Variants in BANK1 observed in about 807,000 individuals in gnomAD.
BANK1 encodes B cell scaffold protein with ankyrin repeats 1.
Under a neutral mutation model 94.5 loss-of-function variants are expected in BANK1, and 95 were observed. That is an observed-to-expected ratio of 1.00 (90% confidence interval 0.85 to 1.19). BANK1 has a LOEUF of 1.19. Among genes scored for constraint, BANK1 ranks in the 50% most tolerant of loss-of-function variants. The pLI, the probability that BANK1 is intolerant of heterozygous loss-of-function variation, is 0.00. For missense variants in BANK1, 987 were observed against 932.2 expected (o/e 1.06, Z -0.77); for synonymous variants, 334 against 308.4 (o/e 1.08, Z -0.87).
intron 7 of BANK1, among the ~76,000 whole-genome samples, chr4:101,990,323 G>A (rs1725657380): frequency 6.6e-6 from 1 of 152,142 alleles, no homozygotes; most frequent in South Asian, 2.1e-4. Context: ...TTTTTCTCAT[G>A]TAAAGAATTT....
rs1362141878 is a variant in BANK1, at chr4:101,790,953, GGGTAGTCGCGCATTC to G, written c.70+6_70+20del. ...CCCCTGCGGCCCAGCGCCCCCAGGT[GGGTAGTCGCGCATTC>G]GGAGGGGCTTGACGCCGAGGCCGGG... On this transcript the variant is annotated splice_donor_5th_base_variant and intron_variant, in intron 1 of 16. Coordinates refer to ENST00000322953, the MANE Select transcript of BANK1 (RefSeq NM_017935.5). The G allele has an allele frequency of 1.3e-6, 2 of 1,506,314 alleles. No homozygotes were observed. The highest frequency in any genetic ancestry group is 2.2e-5 in the Admixed American group (1 of 46,054). 93.3% of individuals were successfully genotyped at this position (1,506,314 alleles called of 1,614,324 possible).
intron 2 of BANK1, among the ~76,000 whole-genome samples, chr4:101,837,264 G>A (rs902241484): frequency 6.6e-6 from 1 of 152,086 alleles, no homozygotes; most frequent in Non-Finnish European, 1.5e-5. Flanking sequence ...CTGTTTTTGT[G>A]CTTCTAGAAT....
intron 3 of BANK1, among the ~76,000 whole-genome samples, chr4:101,861,948 C>A (rs1028281318): frequency 1.3e-5 from 2 of 152,110 alleles, no homozygotes; most frequent in Non-Finnish European, 1.5e-5. Context: ...AGATTTATAA[C>A]CTTTAGTCAA....
intron 2 of BANK1, among the ~76,000 whole-genome samples, chr4:101,848,725 GAACAA>G (rs749944100): frequency 5.6e-4 from 85 of 152,282 alleles, no homozygotes; most frequent in African/African-American, 1.8e-3. Context: ...AAACAAAACA[GAACAA>G]AACAATTCTA....
At chr4:102,031,446 G>T (rs1727306869) in intron 10 of BANK1, among the ~76,000 whole-genome samples, 1 of 152,116 alleles carries the variant, frequency 6.6e-6, no homozygotes, top group Admixed American at 6.5e-5. Flanking sequence ...AGTTTAATTA[G>T]ATCCCATTTG....
chr4:101,971,861 C>T (rs1049508629), intron 7 of BANK1, among the ~76,000 whole-genome samples: 6 of 151,936 alleles, frequency 3.9e-5, no homozygotes, highest in African/African-American at 1.4e-4. Context: ...TTTTTCTTGC[C>T]AGTGCCGTGC....
At chr4:101,808,683 G>A (rs970561225) in intron 1 of BANK1, among the ~76,000 whole-genome samples, 2 of 151,668 alleles carry the variant, frequency 1.3e-5, no homozygotes, top group African/African-American at 4.8e-5. Flanking sequence ...CCATCAAAAA[G>A]GGGGCAAAGG....
intron 1 of BANK1, among the ~76,000 whole-genome samples, chr4:101,809,108 C>A (rs77975239): frequency 0.028 from 4,188 of 152,248 alleles, 202 homozygotes; most frequent in African/African-American, 0.095. Context: ...AAATGCCCAT[C>A]AATCAATGAG....
chr4:101,991,527 T>G (rs1227695206), intron 7 of BANK1, among the ~76,000 whole-genome samples: 1 of 152,216 alleles, frequency 6.6e-6, no homozygotes, highest in Admixed American at 6.5e-5. Context: ...AAATGTCTTC[T>G]ACATTCCACA....
At chr4:101,932,282 C>G (rs1723378711) in intron 7 of BANK1, among the ~76,000 whole-genome samples, 1 of 151,424 alleles carries the variant, frequency 6.6e-6, no homozygotes, top group African/African-American at 2.4e-5. Flanking sequence ...TTTCCTTATC[C>G]CTTTGGCAAG....
intron 7 of BANK1, among the ~76,000 whole-genome samples, chr4:101,923,045 C>T (rs954538174): frequency 1.3e-5 from 2 of 151,706 alleles, no homozygotes; most frequent in Non-Finnish European, 2.9e-5. Context: ...GATTTTAAAC[C>T]TAACTTCATC....
chr4:101,983,383 C>T (rs548970708), intron 7 of BANK1, among the ~76,000 whole-genome samples: 2 of 152,130 alleles, frequency 1.3e-5, no homozygotes, highest in South Asian at 2.1e-4. Context: ...CTTGTCTTTA[C>T]CACGTAGTAG....
At chr4:102,051,501 A>G (rs760560258) in intron 11 of BANK1, among the ~76,000 whole-genome samples, 6 of 152,200 alleles carry the variant, frequency 3.9e-5, no homozygotes, top group Non-Finnish European at 5.9e-5. Context: ...AATAGGGAGA[A>G]CAAAGACTGG....
rs368699075 is a variant in BANK1 at position 102,043,819 on chromosome 4, A to C, written c.1901-20A>C. 3.1e-5 allele frequency: 48 copies of C among 1,533,302 alleles called. No homozygotes were observed. The highest frequency in any genetic ancestry group is 4.1e-5 in the Non-Finnish European group (46 of 1,117,126). 95.0% of individuals were successfully genotyped at this position (1,533,302 alleles called of 1,614,324 possible). ...TGAACGTTTATGTTCAGTAAATAAT[A>C]TGTTCTATACTTTTTACAGTGTTTC... On this transcript the variant is annotated intron_variant, in intron 10 of 16. Transcript: ENST00000322953.
At chr4:102,072,767 A>G (rs1728801074) in intron 15 of BANK1, among the ~76,000 whole-genome samples, 1 of 152,188 alleles carries the variant, frequency 6.6e-6, no homozygotes. Context: ...ATTAGTAGGG[A>G]AAGTATAGCC....
chr4:101,986,811 GTATATATATGTGTATATATA>G (rs1725498186), intron 7 of BANK1, among the ~76,000 whole-genome samples: 1 of 131,916 alleles, frequency 7.6e-6, no homozygotes, highest in African/African-American at 2.9e-5. Context: ...GTATATATAT[GTATATATATGTGTATATATA>G]TGTATATATA....
At chr4:101,907,841 C>T (rs1367046643) in intron 6 of BANK1, among the ~76,000 whole-genome samples, 2 of 152,164 alleles carry the variant, frequency 1.3e-5, no homozygotes, top group Non-Finnish European at 2.9e-5. Flanking sequence ...AGGAATCCAA[C>T]TTACAAGGGA....
chr4:101,843,499 A>G (rs1727134706), intron 2 of BANK1, among the ~76,000 whole-genome samples: 1 of 152,310 alleles, frequency 6.6e-6, no homozygotes, highest in Admixed American at 6.5e-5. Flanking sequence ...TATTATATTC[A>G]AATGTTAGGA....
At chr4:101,857,200 C>G (rs888121682) in intron 3 of BANK1, among the ~76,000 whole-genome samples, 2 of 152,174 alleles carry the variant, frequency 1.3e-5, no homozygotes, top group Non-Finnish European at 2.9e-5. Context: ...TGAGGCTTCC[C>G]TATCATCCTA....
Sources: gnomAD v4.1 joint callset for allele counts (sites outside exome capture counted in the v4.1 genomes callset) on GRCh38, gnomAD v4.1.1 for gene constraint, MANE v1.5 for transcripts, NCBI Gene and HGNC (gene_info 2026-07-23, HGNC 2026-07-21) for gene names.